Variants in RAB11FIP2 observed in about 807,000 individuals in gnomAD.
RAB11FIP2 encodes the protein rab11 family-interacting protein 2.
RAB11FIP2 carries 16 observed loss-of-function variants against 40.9 expected under a neutral mutation model. The ratio of observed to expected loss-of-function variants is 0.39; its 90% CI spans 0.26 to 0.59. The LOEUF is 0.59. RAB11FIP2 is among the 20% of genes least tolerant of loss of function. RAB11FIP2 has a pLI of 0.53. For missense variants in RAB11FIP2, 532 were observed against 606.2 expected, an observed-to-expected ratio of 0.88 and a Z score of 1.28; for synonymous variants, 228 against 213.7, an observed-to-expected ratio of 1.07 and a Z score of -0.58.
At chr10:118,016,577 G>A (rs1466497871) in intron 3 of RAB11FIP2, among the ~76,000 whole-genome samples, 5 of 152,126 alleles carry the variant, frequency 3.3e-5, no homozygotes, top group South Asian at 2.1e-4. Context: ...GGGGTCCAGT[G>A]GGATTAATCT....
At chr10:118,042,203 C>T (rs1846568858) in intron 1 of RAB11FIP2, among the ~76,000 whole-genome samples, 1 of 151,808 alleles carries the variant, frequency 6.6e-6, no homozygotes, top group African/African-American at 2.4e-5. Context: ...AAAAATGTAC[C>T]AAAAATTTGC....
intron 3 of RAB11FIP2, chr10:118,034,182 C>A: frequency 1.6e-6 from 1 of 629,960 alleles, no homozygotes; most frequent in East Asian, 2.9e-5. Context: ...TGGCAGCAAG[C>A]CAGATTTGGC....
chr10:118,019,868 A>G (rs547983193), intron 3 of RAB11FIP2, among the ~76,000 whole-genome samples: 1 of 152,044 alleles, frequency 6.6e-6, no homozygotes, highest in Admixed American at 6.5e-5. Flanking sequence ...CACTTTCATG[A>G]CAAAGGTATA....
chr10:118,015,156 G>A (rs778677606), intron 3 of RAB11FIP2, 46 bp from the exon 4 acceptor site: 5 of 1,514,834 alleles, frequency 3.3e-6, no homozygotes, highest in African/African-American at 1.4e-5. Context: ...ACTCATGTGG[G>A]AGGAAACATA....
At chr10:118,022,221 T>C (rs1307096102) in intron 3 of RAB11FIP2, among the ~76,000 whole-genome samples, 2 of 152,142 alleles carry the variant, frequency 1.3e-5, no homozygotes, top group African/African-American at 4.8e-5. Flanking sequence ...ACTCTCATCG[T>C]TTCCTCCCTG....
At chr10:118,015,773 A>G (rs1286982218) in intron 3 of RAB11FIP2, among the ~76,000 whole-genome samples, 2 of 152,192 alleles carry the variant, frequency 1.3e-5, no homozygotes, top group African/African-American at 4.8e-5. Context: ...TGTCCATTAG[A>G]TGGGACTGCA....
intron 3 of RAB11FIP2, among the ~76,000 whole-genome samples, chr10:118,029,077 G>C (rs868072483): frequency 3.3e-5 from 5 of 151,102 alleles, no homozygotes; most frequent in African/African-American, 1.2e-4. Context: ...ACAATCCCAA[G>C]TTTGATTCAA....
chr10:118,013,444 C>T (rs889256737), intron 4 of RAB11FIP2, among the ~76,000 whole-genome samples: 1 of 152,026 alleles, frequency 6.6e-6, no homozygotes, highest in African/African-American at 2.4e-5. Flanking sequence ...TTGGCACTAG[C>T]ATATAAGACA....
At chr10:118,043,443 C>T (rs1171821067) in intron 1 of RAB11FIP2, 2 of 152,106 alleles carry the variant, frequency 1.3e-5, no homozygotes, top group African/African-American at 2.4e-5. Flanking sequence ...CATGCCAGAA[C>T]CAACCCAGAC....
In RAB11FIP2 at chr10:118,039,163, G is replaced by A. The variant is rs756728056; in HGVS notation, c.1074C>T (p.Ser358=). 1 of 1,613,672 alleles carries A rather than the reference G, an allele frequency of 6.2e-7. No individual in the cohort carries two copies. The stretch of plus-strand genomic sequence containing the variant: ...TTTTTCCAGTCACTCTTTCAAACAG[G>A]CTAACTTTCTCCCTTTTCTCTCTTT... ...ENKREKREKV[S]LFERVTGKKD... The change falls in exon 3 of 5, where the codon AGC becomes AGT. Residue 358 remains serine, a synonymous_variant. Coordinates refer to ENST00000355624, the MANE Select transcript of RAB11FIP2 (RefSeq NM_014904.3).
At position 118,008,976 on chromosome 10, in the gene RAB11FIP2, CA is replaced by C. The variant is rs776524003; in HGVS notation, c.*21del. The C allele has an allele frequency of 5.2e-6, 8 of 1,532,842 alleles. No homozygotes were observed. The highest frequency in any genetic ancestry group is 6.3e-6 in the Non-Finnish European group (7 of 1,109,062). The allele number at this position is 1,532,842 out of a possible 1,614,324, so 95.0% of individuals were successfully genotyped here. ...TCTTTCTCTCTCTTTGTCCAATTATCAATACAATACAATTGGCTTTATTAAC... is the reference window on the plus strand; with the variant it reads ...TCTTTCTCTCTCTTTGTCCAATTATCATACAATACAATTGGCTTTATTAAC... On this transcript the variant is annotated 3_prime_UTR_variant, in exon 5 of 5. Coordinates refer to ENST00000355624, the MANE Select transcript of RAB11FIP2 (RefSeq NM_014904.3).
intron 4 of RAB11FIP2, among the ~76,000 whole-genome samples, chr10:118,010,171 G>A (rs1461969986): frequency 6.6e-6 from 1 of 152,046 alleles, no homozygotes; most frequent in Non-Finnish European, 1.5e-5. Context: ...ATAGTGTATA[G>A]CATTAAGAGT....
chr10:118,007,341 T>A lies in RAB11FIP2; in HGVS notation c.*1657A>T, dbSNP rs1426949701. On this transcript the variant is annotated 3_prime_UTR_variant, in exon 5 of 5. Transcript: ENST00000355624. ...AAAATGTTCATAATTTCAAAATGTA[T>A]GTTCTTACAGTAAAACTGAAATGCA... is the stretch of plus-strand genomic sequence containing the variant. 6.6e-6 allele frequency: 1 copy of A among 151,876 alleles called. No individual in the cohort carries two copies. The highest frequency in any genetic ancestry group is 6.6e-5 in the Admixed American group (1 of 15,228). 9.4% of individuals were successfully genotyped at this position (151,876 alleles called of 1,614,324 possible).
At chr10:118,034,118 C>G in intron 3 of RAB11FIP2, 2 of 691,880 alleles carry the variant, frequency 2.9e-6, no homozygotes, top group Non-Finnish European at 5.3e-6. Context: ...ACGCTACCAC[C>G]GTACACAATT....
chr10:118,024,582 C>T (rs747331994), intron 3 of RAB11FIP2, among the ~76,000 whole-genome samples: 13 of 151,518 alleles, frequency 8.6e-5, no homozygotes, highest in African/African-American at 1.2e-4. Context: ...CCTGCAGGGC[C>T]AAACCCAGCA....
intron 4 of RAB11FIP2, among the ~76,000 whole-genome samples, chr10:118,012,534 T>C (rs911862717): frequency 6.6e-6 from 1 of 151,928 alleles, no homozygotes; most frequent in Non-Finnish European, 1.5e-5. Flanking sequence ...TCCACATATA[T>C]ATATATATTT....
At chr10:118,032,001 A>G (rs1846420843) in intron 3 of RAB11FIP2, among the ~76,000 whole-genome samples, 1 of 151,994 alleles carries the variant, frequency 6.6e-6, no homozygotes, top group Non-Finnish European at 1.5e-5. Context: ...CAAACAACAG[A>G]AACTCATCAC....
intron 3 of RAB11FIP2, among the ~76,000 whole-genome samples, chr10:118,026,908 C>T (rs2928122): frequency 0.97 from 148,056 of 152,326 alleles, 72,094 homozygotes; most frequent in East Asian, 1. Flanking sequence ...CTAGAAAAAC[C>T]ATCAAGTTTA....
rs1353404749 is a variant in RAB11FIP2, at chr10:118,040,228, A to T, written c.691T>A (p.Leu231Ile). Residue 231 changes from leucine to isoleucine, a missense_variant, in exon 2 of 5, where the codon TTA (leucine) becomes ATA (isoleucine). Coordinates refer to ENST00000355624, the MANE Select transcript of RAB11FIP2 (RefSeq NM_014904.3). ...TCAGAAGACATATGGGACCCAGATA[A>T]ATCAGACATTGAATGCGCTGACGAG... Reference protein sequence around the residue: ...RLSSAHSMSDLSGSHMSSEKL... With the variant: ...RLSSAHSMSDISGSHMSSEKL... 1 of 1,613,726 alleles carries T rather than the reference A, an allele frequency of 6.2e-7. No individual in the cohort carries two copies.
Sources: allele counts gnomAD v4.1 joint callset (sites outside exome capture counted in the v4.1 genomes callset), GRCh38; gene constraint gnomAD v4.1.1; transcripts MANE v1.5; gene names NCBI Gene and HGNC (gene_info 2026-07-23, HGNC 2026-07-21).